Variants in GPR37L1 observed in about 807,000 individuals in gnomAD.
GPR37L1 encodes the protein G protein-coupled receptor 37-like 1.
GPR37L1 carries 18 observed loss-of-function variants against 18.0 expected under a neutral mutation model. The observed-to-expected ratio is 1.00, with a 90% confidence interval of 0.69 to 1.49. The LOEUF is 1.49. GPR37L1 is among the 40% of genes most tolerant of loss of function. The pLI, the probability that GPR37L1 is intolerant of heterozygous loss-of-function variation, is 0.00. For synonymous variants in GPR37L1, 256 were observed against 273.9 expected (o/e 0.93, Z 0.65); for missense variants, 558 against 615.1 (o/e 0.91, Z 0.98).
intron 1 of GPR37L1, among the ~76,000 whole-genome samples, chr1:202,125,867 G>A (rs1654646035): frequency 6.6e-6 from 1 of 152,124 alleles, no homozygotes; most frequent in East Asian, 1.9e-4. Flanking sequence ...TACCGCAGGC[G>A]TGTGGTACCA....
chr1:202,128,633 G>A lies in GPR37L1; in HGVS notation c.*77G>A, dbSNP rs555834757. ...CTGCTGTTCTTTCCCCATAGGTCTT[G>A]CTTTGTTGCCTGTCTTGCTGTCTAG... On this transcript the variant is annotated 3_prime_UTR_variant, in exon 2 of 2. Coordinates refer to ENST00000367282, the MANE Select transcript of GPR37L1 (RefSeq NM_004767.5). 6.0e-4 allele frequency: 539 copies of A among 893,152 alleles called. 10 individuals carry two copies. In the South Asian group the frequency reaches 6.3e-3, roughly 10 times the overall value. The allele number at this position is 893,152 out of a possible 1,614,324, so 55.3% of individuals were successfully genotyped here.
At chr1:202,124,026 T>A (rs554905972) in intron 1 of GPR37L1, among the ~76,000 whole-genome samples, 5 of 152,298 alleles carry the variant, frequency 3.3e-5, no homozygotes, top group Middle Eastern at 3.4e-3. Flanking sequence ...CTTCCTTCGC[T>A]GCTCCTCCGT....
In GPR37L1 at chr1:202,123,215, C is replaced by T; in HGVS notation, c.252C>T (p.Ala84=). 1 of 1,613,800 alleles carries T rather than the reference C, an allele frequency of 6.2e-7. No homozygotes were observed. The highest frequency in any genetic ancestry group is 8.5e-7 in the Non-Finnish European group (1 of 1,179,910). Reference sequence around the variant, plus strand: ...TGCAGCCAACCAAGCCCTTGGTGGCCACCAGCCCTAACCCCGGCAAGGATG... The same window carrying T: ...TGCAGCCAACCAAGCCCTTGGTGGCTACCAGCCCTAACCCCGGCAAGGATG... The part of the protein sequence containing the change: ...AGLQPTKPLV[A]TSPNPGKDGG... The change falls in exon 1 of 2, where the codon GCC becomes GCT. Residue 84 remains alanine (A), a synonymous_variant. Transcript: ENST00000367282.
rs1382544973 is a variant in GPR37L1 at position 202,133,312 on chromosome 1, G to C, written c.*4756G>C. On this transcript the variant is annotated 3_prime_UTR_variant, in exon 2 of 2. Transcript: ENST00000367282. ...GTGCTCGCGCTCCGTGGCTCTGTTG[G>C]TGCCCAGCGTGCGGGGGTGTGCTGG... 6.6e-6 allele frequency: 1 copy of C among 152,298 alleles called. No homozygotes were observed. Among genetic ancestry groups the C allele is most frequent in the Admixed American group, 6.5e-5 (1 of 15,292 alleles). 9.4% of individuals were successfully genotyped at this position (152,298 alleles called of 1,614,324 possible). A position where few individuals can be genotyped will look rare whatever the true frequency, so the allele number is the denominator to read the frequency against.
intron 1 of GPR37L1, among the ~76,000 whole-genome samples, chr1:202,127,186 G>A (rs986752852): frequency 6.6e-6 from 1 of 152,162 alleles, no homozygotes; most frequent in Non-Finnish European, 1.5e-5. Flanking sequence ...ATGGTAAGGT[G>A]GTTGATTGGG....
At position 202,130,771 on chromosome 1, in the gene GPR37L1, C is replaced by T. The variant is rs1051130880; in HGVS notation, c.*2215C>T. On this transcript the variant is annotated 3_prime_UTR_variant, in exon 2 of 2. Coordinates refer to ENST00000367282, the MANE Select transcript of GPR37L1 (RefSeq NM_004767.5). ...TCCTTCTCCACCCCCCTGCCAGGCC[C>T]GGAAGTACCACCAGCTTCCTAAGGG... 2 of 152,364 alleles carry T rather than the reference C, an allele frequency of 1.3e-5. No homozygotes were observed. The highest frequency in any genetic ancestry group is 4.8e-5 in the African/African-American group (2 of 41,440). 9.4% of individuals were successfully genotyped at this position (152,364 alleles called of 1,614,324 possible).
Position 202,128,771 on chromosome 1 carries a change from CGGT to C in GPR37L1, c.*217_*219del, listed in dbSNP as rs1196617692. Reference sequence around the variant, plus strand: ...CAACCCTGTCCTTTCCACTGGTGGGCGGTGATGCTTCTAGGTCCTTAGAACTGC... The same window carrying C: ...CAACCCTGTCCTTTCCACTGGTGGGCGATGCTTCTAGGTCCTTAGAACTGC... On this transcript the variant is annotated 3_prime_UTR_variant, in exon 2 of 2. Transcript: ENST00000367282. 6 of 524,962 alleles carry C rather than the reference CGGT, an allele frequency of 1.1e-5. No homozygotes were observed. 32.5% of individuals were successfully genotyped at this position (524,962 alleles called of 1,614,324 possible). A position where few individuals can be genotyped will look rare whatever the true frequency, so the allele number is the denominator to read the frequency against.
In GPR37L1 at chr1:202,123,280, T is replaced by A. The variant is rs763997864; in HGVS notation, c.317T>A (p.Leu106Gln). The change falls in exon 1 of 2, where the codon CTG (leucine) becomes CAG (glutamine). Residue 106 changes from leucine (L) to glutamine (Q), a missense_variant. Leu to Gln is a moderately radical substitution (Grantham distance 113). Coordinates refer to ENST00000367282, the MANE Select transcript of GPR37L1 (RefSeq NM_004767.5). Reference protein sequence around the residue: ...PDSGQELRGNLTGAPGQRLQI... With the variant: ...PDSGQELRGNQTGAPGQRLQI... ...AGTGGGCAGGAACTGAGGGGCAATC[T>A]GACAGGAGCACCAGGGCAGAGGCTA... 2 of 1,614,014 alleles carry A rather than the reference T, an allele frequency of 1.2e-6. No individual in the cohort carries two copies. Among genetic ancestry groups the A allele is most frequent in the Non-Finnish European group, 8.5e-7 (1 of 1,179,928 alleles).
intron 1 of GPR37L1, among the ~76,000 whole-genome samples, chr1:202,126,351 T>C (rs1365596646): frequency 2.7e-5 from 4 of 150,622 alleles, no homozygotes; most frequent in Non-Finnish European, 5.9e-5. Flanking sequence ...GAGGTTGCAG[T>C]GAGCTGTGAT....
chr1:202,127,699 T>TCA, intron 1 of GPR37L1, 42 bp from the exon 2 acceptor site: 1 of 1,404,024 alleles, frequency 7.1e-7, no homozygotes, highest in Admixed American at 2.2e-5. Context: ...CCCCATAGAT[T>TCA]TTGACCAAGT....
Position 202,128,146 on chromosome 1 carries a change from A to C in GPR37L1, c.1036A>C (p.Arg346=). ...CCCTCCAGGGAGGAAGTCAGAGTGC[A>C]GGGCCAGCAAGCACGAGCAGTGTGA... ...RGPPGRKSEC[R]ASKHEQCESQ... Residue 346 remains arginine, a synonymous_variant, in exon 2 of 2, where the codon AGG becomes CGG. Coordinates refer to ENST00000367282, the MANE Select transcript of GPR37L1 (RefSeq NM_004767.5). The C allele has an allele frequency of 6.2e-7, 1 of 1,614,036 alleles. No homozygotes were observed. The highest frequency in any genetic ancestry group is 1.1e-5 in the South Asian group (1 of 91,080).
In GPR37L1 at chr1:202,133,386, C is replaced by T. The variant is rs1654913753; in HGVS notation, c.*4830C>T. ...ACCCATGCCAACTGCGGAAAAGTAA[C>T]CAGCACCATACACCCCCCCCAACAC... On this transcript the variant is annotated 3_prime_UTR_variant, in exon 2 of 2. Coordinates refer to ENST00000367282, the MANE Select transcript of GPR37L1 (RefSeq NM_004767.5). 6.6e-6 allele frequency: 1 copy of T among 152,182 alleles called. No homozygotes were observed. The allele number at this position is 152,182 out of a possible 1,614,324, so 9.4% of individuals were successfully genotyped here. A position where few individuals can be genotyped will look rare whatever the true frequency, so the allele number is the denominator to read the frequency against.
At position 202,130,761 on chromosome 1, in the gene GPR37L1, C is replaced by G. The variant is rs1390827950; in HGVS notation, c.*2205C>G. ...TTTCCCCAACTCCTTCTCCACCCCC[C>G]TGCCAGGCCCGGAAGTACCACCAGC... On this transcript the variant is annotated 3_prime_UTR_variant, in exon 2 of 2. Transcript: ENST00000367282. The G allele has an allele frequency of 2.6e-5, 4 of 152,566 alleles. No individual in the cohort carries two copies. Among genetic ancestry groups the G allele is most frequent in the South Asian group, 2.1e-4 (1 of 4,832 alleles). The allele number at this position is 152,566 out of a possible 1,614,324, so 9.5% of individuals were successfully genotyped here. A position where few individuals can be genotyped will look rare whatever the true frequency, so the allele number is the denominator to read the frequency against.
At chr1:202,127,607 C>T in intron 1 of GPR37L1, 134 bp from the exon 2 acceptor site, 1 of 661,830 alleles carries the variant, frequency 1.5e-6, no homozygotes. Flanking sequence ...TGAGTCACCG[C>T]ACCCGGCCCA....
chr1:202,126,838 C>CATGT (rs1553315418), intron 1 of GPR37L1, among the ~76,000 whole-genome samples: 16 of 146,450 alleles, frequency 1.1e-4, no homozygotes, highest in African/African-American at 3.8e-4. Flanking sequence ...CAGAAACGTG[C>CATGT]GTGTGTGTGT....
chr1:202,124,079 C>T (rs1026814901), intron 1 of GPR37L1, among the ~76,000 whole-genome samples: 1 of 152,216 alleles, frequency 6.6e-6, no homozygotes, highest in Non-Finnish European at 1.5e-5. Context: ...AGCCCAATTT[C>T]CTTCACACCC....
intron 1 of GPR37L1, among the ~76,000 whole-genome samples, chr1:202,124,025 C>T (rs534566235): frequency 3.3e-5 from 5 of 152,336 alleles, no homozygotes; most frequent in Middle Eastern, 3.4e-3. Context: ...GCTTCCTTCG[C>T]TGCTCCTCCG....
chr1:202,127,307 TTTCC>T (rs59628778), intron 1 of GPR37L1, among the ~76,000 whole-genome samples: 5 of 138,970 alleles, frequency 3.6e-5, no homozygotes, highest in African/African-American at 1.3e-4. Context: ...TCCTTCCTTC[TTTCC>T]TTCCTTCCTT....
Position 202,128,473 on chromosome 1 carries a change from C to T in GPR37L1, c.1363C>T (p.Leu455Phe), listed in dbSNP as rs753467741. ...ASAANGSDNK[L>F]KTEVSSSIYF... ...TGCTGCCAATGGGTCGGACAACAAG[C>T]TCAAGACCGAGGTGTCCTCTTCCAT... is the stretch of plus-strand genomic sequence containing the variant. Residue 455 changes from leucine (L) to phenylalanine (F), a missense_variant, in exon 2 of 2, where the codon CTC becomes TTC. Leu to Phe is a conservative substitution (Grantham distance 22, BLOSUM62 0). Coordinates refer to ENST00000367282, the MANE Select transcript of GPR37L1 (RefSeq NM_004767.5). 6.2e-6 allele frequency: 10 copies of T among 1,610,094 alleles called. No homozygotes were observed. In the Admixed American group the frequency reaches 1.3e-4, roughly 22 times the overall value.
Sources: gnomAD v4.1 joint callset for allele counts (sites outside exome capture counted in the v4.1 genomes callset) on GRCh38, gnomAD v4.1.1 for gene constraint, MANE v1.5 for transcripts, NCBI Gene and HGNC (gene_info 2026-07-23, HGNC 2026-07-21) for gene names.